The following WDR70 variants were observed in gnomAD, a reference collection of about 807,000 sequenced individuals.
WDR70 encodes WD repeat-containing protein 70.
A neutral mutation model predicts 88.6 loss-of-function variants in WDR70; 53 were observed. That is an observed-to-expected ratio of 0.60 (90% CI 0.48 to 0.75). The LOEUF is 0.75. Ranked by LOEUF, WDR70 falls within the 30% of genes least tolerant of loss-of-function variation. The pLI is 0.00. For missense variants in WDR70, 610 were observed against 823.2 expected, an observed-to-expected ratio of 0.74 and a Z score of 3.17; for synonymous variants, 280 against 270.0, an observed-to-expected ratio of 1.04 and a Z score of -0.36.
chr5:37,398,873 G>A (rs1749109696), intron 5 of WDR70, among the ~76,000 whole-genome samples: 2 of 152,182 alleles, frequency 1.3e-5, no homozygotes, highest in African/African-American at 4.8e-5. Flanking sequence ...TGGGCACTGT[G>A]GCGCACGCCT....
At chr5:37,433,199 T>C (rs183685666) in intron 5 of WDR70, among the ~76,000 whole-genome samples, 1 of 152,184 alleles carries the variant, frequency 6.6e-6, no homozygotes, top group African/African-American at 2.4e-5. Flanking sequence ...TAGTTAGAAT[T>C]ACAGGTGTGT....
chr5:37,563,103 C>T (rs1324095629), intron 9 of WDR70, among the ~76,000 whole-genome samples: 12 of 58,794 alleles, frequency 2.0e-4, no homozygotes, highest in African/African-American at 3.7e-4. Context: ...CCCTCCCGGA[C>T]GGGGCGGCTG....
intron 9 of WDR70, among the ~76,000 whole-genome samples, chr5:37,586,662 C>G (rs924959758): frequency 8.8e-6 from 1 of 113,026 alleles, no homozygotes; most frequent in African/African-American, 2.6e-5. Flanking sequence ...CATGCACACA[C>G]CTTCTTTTTA....
chr5:37,540,625 C>G (rs765334203), intron 9 of WDR70, among the ~76,000 whole-genome samples: 1 of 152,340 alleles, frequency 6.6e-6, no homozygotes, highest in African/African-American at 2.4e-5. Context: ...CGTGATCCAC[C>G]CGCCTCGGCC....
chr5:37,586,650 A>G (rs1743372701), intron 9 of WDR70, among the ~76,000 whole-genome samples: 1 of 139,120 alleles, frequency 7.2e-6, no homozygotes, highest in South Asian at 2.4e-4. Flanking sequence ...TATGAGTGAG[A>G]ACATGCACAC....
intron 5 of WDR70, among the ~76,000 whole-genome samples, chr5:37,405,162 T>A (rs1030479844): frequency 1.3e-5 from 2 of 152,152 alleles, no homozygotes; most frequent in Admixed American, 1.3e-4. Flanking sequence ...TGTGTTGTGG[T>A]CATGTAGAAT....
At chr5:37,573,577 G>A (rs1028392517) in intron 9 of WDR70, among the ~76,000 whole-genome samples, 7 of 127,952 alleles carry the variant, frequency 5.5e-5, no homozygotes, top group Non-Finnish European at 1.5e-5. Context: ...GCCCCTTCCT[G>A]TGTCCATGTG....
rs112610865 is a variant in WDR70, at chr5:37,467,717, T to G, written c.687-12117T>G. On this transcript the variant is annotated intron_variant, in intron 7 of 17. Transcript: ENST00000265107. Reference sequence around the variant, plus strand: ...CGCCCGGCTAATTTTTTATTTTATTTTATTTTATTTTATTTTTTTTAGAGA... The same window carrying G: ...CGCCCGGCTAATTTTTTATTTTATTGTATTTTATTTTATTTTTTTTAGAGA... 6.1e-3 allele frequency among the ~76,000 whole-genome samples: 909 copies of G among 149,302 alleles called. 10 individuals carry two copies. The highest frequency in any genetic ancestry group is 0.021 in the African/African-American group (865 of 40,538).
At chr5:37,520,988 T>A (rs2112273581) in intron 9 of WDR70, among the ~76,000 whole-genome samples, 1 of 151,850 alleles carries the variant, frequency 6.6e-6, no homozygotes, top group South Asian at 2.1e-4. Context: ...ACAGAGGACT[T>A]GGGCTATTCT....
chr5:37,656,761 C>T (rs1745566645), intron 10 of WDR70, among the ~76,000 whole-genome samples: 1 of 152,204 alleles, frequency 6.6e-6, no homozygotes, highest in South Asian at 2.1e-4. Flanking sequence ...GGAAAACCGC[C>T]TCCTCAAGCC....
intron 10 of WDR70, among the ~76,000 whole-genome samples, chr5:37,665,858 A>T (rs562126436): frequency 6.6e-6 from 1 of 152,284 alleles, no homozygotes; most frequent in South Asian, 2.1e-4. Context: ...CTCCAAGGAA[A>T]CCCAGCATCC....
At chr5:37,508,151 C>T (rs1178178976) in intron 8 of WDR70, among the ~76,000 whole-genome samples, 1 of 151,922 alleles carries the variant, frequency 6.6e-6, no homozygotes, top group Non-Finnish European at 1.5e-5. Context: ...TTGTGTCCCC[C>T]CCAAATATAT....
intron 10 of WDR70, among the ~76,000 whole-genome samples, chr5:37,640,390 A>G (rs1447908318): frequency 6.6e-6 from 1 of 152,074 alleles, no homozygotes; most frequent in African/African-American, 2.4e-5. Flanking sequence ...TCTTCTATAG[A>G]TATGTGTTAC....
intron 10 of WDR70, among the ~76,000 whole-genome samples, chr5:37,611,681 C>T (rs561025452): frequency 1.3e-5 from 2 of 151,238 alleles, no homozygotes; most frequent in South Asian, 2.1e-4. Context: ...CATTTTATTA[C>T]GTAGTTATTC....
chr5:37,636,055 C>T (rs1044076879), intron 10 of WDR70, among the ~76,000 whole-genome samples: 2 of 152,146 alleles, frequency 1.3e-5, no homozygotes, highest in Admixed American at 6.6e-5. Context: ...TCAATTAAAC[C>T]TCTTTCCTTT....
At chr5:37,639,519 TTTGTTG>T (rs570968087) in intron 10 of WDR70, among the ~76,000 whole-genome samples, 7 of 152,014 alleles carry the variant, frequency 4.6e-5, no homozygotes, top group Non-Finnish European at 8.8e-5. Flanking sequence ...TCTTAATTCC[TTTGTTG>T]TTGTTGTTGT....
rs577947348 is a variant in WDR70, at chr5:37,432,140, G to A, written c.493-5782G>A. ...CTGAGATACTACCAAGCTGTTTTCC[G>A]TAGTAGCTATACCATTTTACATTCC... On this transcript the variant is annotated intron_variant, in intron 5 of 17. Coordinates refer to ENST00000265107, the MANE Select transcript of WDR70 (RefSeq NM_018034.4). Among the ~76,000 whole-genome samples the A allele has an allele frequency of 1.4e-4, 21 of 151,956 alleles. No individual in the cohort carries two copies. The South Asian group carries it at 1.9e-3, about 14-fold the overall frequency.
intron 4 of WDR70, among the ~76,000 whole-genome samples, chr5:37,394,678 T>G (rs1748954724): frequency 6.6e-6 from 1 of 152,142 alleles, no homozygotes; most frequent in Admixed American, 6.6e-5. Context: ...GAGGAGACAT[T>G]TGAGGAAACT....
chr5:37,715,439 G>T (rs1433378982), intron 13 of WDR70, among the ~76,000 whole-genome samples: 1 of 152,038 alleles, frequency 6.6e-6, no homozygotes, highest in Non-Finnish European at 1.5e-5. Flanking sequence ...AGAGGCATAT[G>T]CTCACTTAGC....
Sources: allele counts gnomAD v4.1 joint callset (sites outside exome capture counted in the v4.1 genomes callset), GRCh38; gene constraint gnomAD v4.1.1; transcripts MANE v1.5; gene names NCBI Gene and HGNC (gene_info 2026-07-23, HGNC 2026-07-21).